The following ABCC1 variants were observed in gnomAD, a reference collection of about 807,000 sequenced individuals.
ABCC1 encodes the protein multidrug resistance-associated protein 1.
ABCC1 carries 83 observed loss-of-function variants against 172.9 expected under a neutral mutation model. That is an observed-to-expected ratio of 0.48 (90% CI 0.40 to 0.58). The LOEUF (loss-of-function observed/expected upper bound fraction) is 0.58, where lower values mean the gene tolerates loss of function less well. Among genes scored for constraint, ABCC1 ranks in the 20% least tolerant of loss-of-function variants. The pLI is 0.00. For missense variants in ABCC1, 1,817 were observed against 2,002.7 expected (o/e 0.91, Z 1.77); for synonymous variants, 937 against 825.2 (o/e 1.14, Z -2.32).
chr16:15,975,685 T>C (rs2046473187), intron 1 of ABCC1, among the ~76,000 whole-genome samples: 1 of 151,834 alleles, frequency 6.6e-6, no homozygotes, highest in Non-Finnish European at 1.5e-5. Flanking sequence ...GCTTCCTGAG[T>C]AGCTGGGATT....
At chr16:16,136,724 A>G in intron 29 of ABCC1, 80 bp downstream of exon 29, 2 of 1,480,062 alleles carry the variant, frequency 1.4e-6, no homozygotes, top group African/African-American at 1.4e-5. Flanking sequence ...GATTCTGTCC[A>G]GATCTGTGTC....
At chr16:16,083,068 C>T (rs929853572) in intron 16 of ABCC1, among the ~76,000 whole-genome samples, 17 of 152,170 alleles carry the variant, frequency 1.1e-4, no homozygotes, top group South Asian at 6.2e-4. Context: ...TTTTGATCAC[C>T]GCTGTAGGCA....
intron 5 of ABCC1, among the ~76,000 whole-genome samples, chr16:16,024,618 C>G (rs890397721): frequency 6.6e-6 from 1 of 152,130 alleles, no homozygotes; most frequent in Non-Finnish European, 1.5e-5. Context: ...TCCCAAAATG[C>G]TAGGATTACA....
At chr16:16,097,103 G>A (rs2051513679) in intron 19 of ABCC1, among the ~76,000 whole-genome samples, 1 of 151,934 alleles carries the variant, frequency 6.6e-6, no homozygotes, top group Admixed American at 6.6e-5. Flanking sequence ...TGAGGGTTTT[G>A]TTTGTTTGTT....
chr16:16,072,429 C>G (rs867129769), intron 14 of ABCC1, among the ~76,000 whole-genome samples: 1 of 151,718 alleles, frequency 6.6e-6, no homozygotes, highest in African/African-American at 2.4e-5. Flanking sequence ...AAGCAATCCA[C>G]CTGCCTCAGC....
intron 24 of ABCC1, 62 bp downstream of exon 24, chr16:16,122,236 C>T (rs758171841): frequency 4.6e-5 from 73 of 1,573,666 alleles, no homozygotes; most frequent in Non-Finnish European, 6.2e-5. Context: ...TGTCTCTTTG[C>T]CTCGATCTTT....
intron 19 of ABCC1, among the ~76,000 whole-genome samples, chr16:16,091,844 CTCAAGTTGG>C (rs912513457): frequency 1.3e-5 from 2 of 152,204 alleles, no homozygotes; most frequent in Non-Finnish European, 2.9e-5. Flanking sequence ...AGGGTTGGTT[CTCAAGTTGG>C]TCTCTGAGTT....
intron 30 of ABCC1, among the ~76,000 whole-genome samples, chr16:16,139,611 CAAAAA>C (rs386384360): frequency 5.2e-5 from 3 of 57,348 alleles, no homozygotes; most frequent in African/African-American, 1.6e-4. Flanking sequence ...GACTCCATCT[CAAAAA>C]AAAAAAAAAA....
chr16:16,014,462 C>G, intron 3 of ABCC1, 29 bp from the exon 4 acceptor site: 1 of 1,604,952 alleles, frequency 6.2e-7, no homozygotes, highest in Non-Finnish European at 8.5e-7. Flanking sequence ...AAAAACCCAA[C>G]AACTCCTGTC....
At chr16:15,982,705 C>G (rs1019777023) in intron 1 of ABCC1, among the ~76,000 whole-genome samples, 1 of 140,840 alleles carries the variant, frequency 7.1e-6, no homozygotes, top group Non-Finnish European at 1.5e-5. Flanking sequence ...ACTCATGAGG[C>G]TGAGATGGGA....
intron 27 of ABCC1, among the ~76,000 whole-genome samples, chr16:16,132,957 T>G (rs1223139256): frequency 3.3e-5 from 5 of 152,168 alleles, no homozygotes; most frequent in Admixed American, 3.3e-4. Context: ...CTCTTTCTAG[T>G]CAACCTGTGA....
At chr16:16,082,935 A>T (rs183063092) in intron 16 of ABCC1, among the ~76,000 whole-genome samples, 20 of 152,328 alleles carry the variant, frequency 1.3e-4, no homozygotes, top group African/African-American at 4.6e-4. Flanking sequence ...GGCATGAGCC[A>T]CTGCGCCTAG....
At chr16:16,092,550 C>G (rs1159761942) in intron 19 of ABCC1, among the ~76,000 whole-genome samples, 3 of 152,232 alleles carry the variant, frequency 2.0e-5, no homozygotes, top group Non-Finnish European at 4.4e-5. Flanking sequence ...TATGTTGTAG[C>G]TTCATTTCCT....
At chr16:16,097,351 G>A (rs1260028850) in intron 19 of ABCC1, among the ~76,000 whole-genome samples, 2 of 152,184 alleles carry the variant, frequency 1.3e-5, no homozygotes, top group Non-Finnish European at 2.9e-5. Flanking sequence ...GACCTCAAGT[G>A]ATCCACCCGC....
At chr16:16,033,830 G>T (rs1343317149) in intron 6 of ABCC1, among the ~76,000 whole-genome samples, 2 of 151,602 alleles carry the variant, frequency 1.3e-5, no homozygotes, top group East Asian at 3.9e-4. Flanking sequence ...TGCCATGTTG[G>T]CCAGGCTTGT....
intron 11 of ABCC1, among the ~76,000 whole-genome samples, chr16:16,054,605 G>A (rs1379183347): frequency 6.6e-6 from 1 of 151,600 alleles, no homozygotes. Flanking sequence ...GTAGGGTTGG[G>A]TGGGATGGGT....
intron 21 of ABCC1, among the ~76,000 whole-genome samples, chr16:16,107,150 G>T (rs1034006087): frequency 1.3e-5 from 2 of 152,148 alleles, no homozygotes; most frequent in Non-Finnish European, 2.9e-5. Context: ...GAGCAGCTCA[G>T]GGGGGTCTCA....
At chr16:16,093,867 G>C (rs2051352125) in intron 19 of ABCC1, among the ~76,000 whole-genome samples, 1 of 152,156 alleles carries the variant, frequency 6.6e-6, no homozygotes, top group Middle Eastern at 3.4e-3. Flanking sequence ...CCTTGAGGGG[G>C]GATGGGCAGG....
chr16:15,958,521 A>G (rs901043676), intron 1 of ABCC1, among the ~76,000 whole-genome samples: 5 of 152,176 alleles, frequency 3.3e-5, no homozygotes, highest in African/African-American at 4.8e-5. Context: ...TTGCAGGCCA[A>G]CCTTGAAGTT....
Sources: gnomAD v4.1 joint callset for allele counts (sites outside exome capture counted in the v4.1 genomes callset) on GRCh38, gnomAD v4.1.1 for gene constraint, MANE v1.5 for transcripts, NCBI Gene and HGNC (gene_info 2026-07-23, HGNC 2026-07-21) for gene names.